VAPA: variants seen among roughly 807,000 people sequenced by gnomAD.
VAPA encodes the protein vesicle-associated membrane protein-associated protein A.
Under a neutral mutation model 25.6 loss-of-function variants are expected in VAPA, and 6 were observed. The observed-to-expected ratio is 0.23, with a 90% CI of 0.13 to 0.46. VAPA has a LOEUF of 0.46. Among genes scored for constraint, VAPA ranks in the 20% least tolerant of loss-of-function variants. The pLI is 0.99. For synonymous variants in VAPA, 112 were observed against 106.2 expected (o/e 1.05, Z -0.34); for missense variants, 244 against 302.1 (o/e 0.81, Z 1.43).
At chr18:9,948,602 A>G (rs940874274) in intron 4 of VAPA, 1 of 151,290 alleles carries the variant, frequency 6.6e-6, no homozygotes, top group Non-Finnish European at 1.5e-5. Context: ...ATAGGGTCTC[A>G]CTCTCACCTG....
Position 9,951,018 on chromosome 18 carries a change from TA to T in VAPA, c.591+452del, listed in dbSNP as rs202094270. On this transcript the variant is annotated intron_variant, in intron 5 of 5. Coordinates refer to ENST00000400000, the MANE Select transcript of VAPA (RefSeq NM_194434.3). ...AGAAAAAGGTAAAATCTTTTTTTTT[TA>T]ATGGTTACATACTGAAATAGTAGTT... 1,347 of 153,294 alleles carry T rather than the reference TA, an allele frequency of 8.8e-3. 5 individuals carry two copies. Among genetic ancestry groups the T allele is most frequent in the Admixed American group, 0.013 (198 of 15,434 alleles). 9.5% of individuals were successfully genotyped at this position (153,294 alleles called of 1,614,324 possible). A position where few individuals can be genotyped will look rare whatever the true frequency, so the allele number is the denominator to read the frequency against.
intron 2 of VAPA, among the ~76,000 whole-genome samples, chr18:9,934,388 C>A (rs2069287269): frequency 6.6e-6 from 1 of 152,130 alleles, no homozygotes; most frequent in African/African-American, 2.4e-5. Context: ...ATTTTTGGTT[C>A]ATAGTGATTA....
At chr18:9,935,795 T>C (rs2069303931) in intron 2 of VAPA, among the ~76,000 whole-genome samples, 1 of 152,208 alleles carries the variant, frequency 6.6e-6, no homozygotes, top group African/African-American at 2.4e-5. Context: ...GGCAAAATCA[T>C]AGATTCATAT....
intron 1 of VAPA, among the ~76,000 whole-genome samples, chr18:9,926,622 G>A (rs561567005): frequency 6.6e-6 from 1 of 152,184 alleles, no homozygotes; most frequent in African/African-American, 2.4e-5. Context: ...AGAGGTGTTC[G>A]GGTAGATGCT....
chr18:9,947,402 G>T (rs2069437024), intron 4 of VAPA, among the ~76,000 whole-genome samples: 1 of 152,146 alleles, frequency 6.6e-6, no homozygotes, highest in African/African-American at 2.4e-5. Flanking sequence ...GAATTTTTCA[G>T]TGCCATTATT....
intron 2 of VAPA, among the ~76,000 whole-genome samples, chr18:9,934,783 C>G (rs2069291055): frequency 6.6e-6 from 1 of 152,116 alleles, no homozygotes; most frequent in Non-Finnish European, 1.5e-5. Flanking sequence ...CACATGGAAC[C>G]TTAGAAAACT....
At chr18:9,942,435 T>G (rs980999555) in intron 4 of VAPA, among the ~76,000 whole-genome samples, 2 of 151,740 alleles carry the variant, frequency 1.3e-5, no homozygotes, top group African/African-American at 4.9e-5. Flanking sequence ...ATGATTTTTT[T>G]TTAGTGTGTT....
chr18:9,926,924 A>T (rs1300304831), intron 1 of VAPA, among the ~76,000 whole-genome samples: 1 of 152,140 alleles, frequency 6.6e-6, no homozygotes, highest in East Asian at 1.9e-4. Context: ...TGTCTCCTAA[A>T]CACACCTCTG....
At chr18:9,918,671 C>A (rs1049376540) in intron 1 of VAPA, among the ~76,000 whole-genome samples, 2 of 152,138 alleles carry the variant, frequency 1.3e-5, no homozygotes, top group African/African-American at 2.4e-5. Flanking sequence ...ACTCTGTGAA[C>A]TTTCTTTGTT....
intron 4 of VAPA, among the ~76,000 whole-genome samples, chr18:9,942,410 CA>C (rs2069375029): frequency 6.6e-6 from 1 of 152,096 alleles, no homozygotes; most frequent in African/African-American, 2.4e-5. Context: ...GTAGAGATAA[CA>C]AGTCTTGAAC....
At chr18:9,928,719 G>A (rs948288565) in intron 1 of VAPA, among the ~76,000 whole-genome samples, 3 of 152,232 alleles carry the variant, frequency 2.0e-5, no homozygotes, top group South Asian at 2.1e-4. Flanking sequence ...GGGAAAAAAA[G>A]GAAGTAATTT....
At chr18:9,946,238 A>G (rs2069422131) in intron 4 of VAPA, among the ~76,000 whole-genome samples, 2 of 152,186 alleles carry the variant, frequency 1.3e-5, no homozygotes, top group African/African-American at 4.8e-5. Flanking sequence ...GTGTTGTATA[A>G]ACATCATAGA....
chr18:9,954,381 A>T lies in VAPA; in HGVS notation c.*170A>T. 1.7e-6 allele frequency: 1 copy of T among 602,072 alleles called. No individual in the cohort carries two copies. The highest frequency in any genetic ancestry group is 2.9e-6 in the Non-Finnish European group (1 of 350,796). The allele number at this position is 602,072 out of a possible 1,614,324, so 37.3% of individuals were successfully genotyped here. A position where few individuals can be genotyped will look rare whatever the true frequency, so the allele number is the denominator to read the frequency against. On this transcript the variant is annotated 3_prime_UTR_variant, in exon 6 of 6. Transcript: ENST00000400000. ...TCTCTTACGGTTAGAAAACACAATA[A>T]AAACAAACTGTTCGGCTACTGGACA...
chr18:9,952,261 C>T (rs1399671883), intron 5 of VAPA, among the ~76,000 whole-genome samples: 1 of 152,066 alleles, frequency 6.6e-6, no homozygotes, highest in Non-Finnish European at 1.5e-5. Flanking sequence ...GATTCTGCTG[C>T]TGGAAAAGTA....
chr18:9,914,383 C>A, intron 1 of VAPA, 48 bp downstream of exon 1: 1 of 1,510,562 alleles, frequency 6.6e-7, no homozygotes, highest in South Asian at 1.2e-5. Context: ...GCGCGGACCG[C>A]TGGCTGTCGG....
At chr18:9,930,723 G>T (rs2069245986) in intron 1 of VAPA, among the ~76,000 whole-genome samples, 1 of 151,182 alleles carries the variant, frequency 6.6e-6, no homozygotes. Flanking sequence ...AGACCTGTTA[G>T]TTATATTAAA....
chr18:9,932,733 A>G (rs1199884144), intron 2 of VAPA, among the ~76,000 whole-genome samples: 1 of 152,190 alleles, frequency 6.6e-6, no homozygotes, highest in Non-Finnish European at 1.5e-5. Context: ...AACTCCCACT[A>G]TATGCTGTAA....
chr18:9,916,132 A>C (rs889624045), intron 1 of VAPA, among the ~76,000 whole-genome samples: 1 of 152,206 alleles, frequency 6.6e-6, no homozygotes, highest in African/African-American at 2.4e-5. Flanking sequence ...CAGAGTTTGA[A>C]GTTTTCTCCT....
At chr18:9,931,244 T>G (rs2069251640) in intron 1 of VAPA, among the ~76,000 whole-genome samples, 1 of 152,224 alleles carries the variant, frequency 6.6e-6, no homozygotes, top group African/African-American at 2.4e-5. Flanking sequence ...TTTTGTAATT[T>G]TATGTTGTTT....
Sources: gnomAD v4.1 joint callset for allele counts (sites outside exome capture counted in the v4.1 genomes callset) on GRCh38, gnomAD v4.1.1 for gene constraint, MANE v1.5 for transcripts, NCBI Gene and HGNC (gene_info 2026-07-23, HGNC 2026-07-21) for gene names.